DHDDS: variants seen among roughly 807,000 people sequenced by gnomAD.
DHDDS encodes the protein dehydrodolichyl diphosphate synthase complex subunit DHDDS.
DHDDS carries 16 observed loss-of-function variants against 46.2 expected under a neutral mutation model. That is an observed-to-expected ratio of 0.35 (90% CI 0.23 to 0.53). The LOEUF (loss-of-function observed/expected upper bound fraction) is 0.53. Ranked by LOEUF, DHDDS falls within the 20% of genes least tolerant of loss-of-function variation. DHDDS has a pLI of 0.94. For synonymous variants in DHDDS, 151 were observed against 163.1 expected, an observed-to-expected ratio of 0.93 and a Z score of 0.56; for missense variants, 340 against 423.7, an observed-to-expected ratio of 0.80 and a Z score of 1.73.
At chr1:26,448,288 C>T (rs2075289268) in intron 6 of DHDDS, 1 of 153,432 alleles carries the variant, frequency 6.5e-6, no homozygotes, top group Non-Finnish European at 1.4e-5. Context: ...ATTCTTCCGC[C>T]TCAGCCTCCC....
intron 2 of DHDDS, among the ~76,000 whole-genome samples, chr1:26,437,099 G>A (rs2075167294): frequency 6.6e-6 from 1 of 152,054 alleles, no homozygotes; most frequent in South Asian, 2.1e-4. Context: ...GAACCCAGGA[G>A]GCAGAGGTTG....
intron 8 of DHDDS, chr1:26,467,545 G>A (rs2075504799): frequency 3.1e-6 from 1 of 327,626 alleles, no homozygotes; most frequent in Non-Finnish European, 6.6e-6. Flanking sequence ...CCTGCTCCAT[G>A]TCTGTCTCCA....
intron 2 of DHDDS, among the ~76,000 whole-genome samples, chr1:26,434,045 T>A (rs2075129836): frequency 6.6e-6 from 1 of 152,196 alleles, no homozygotes; most frequent in Admixed American, 6.5e-5. Context: ...GAAAGTCCAG[T>A]TCTATCATTT....
chr1:26,452,489 T>C (rs1386653963), intron 6 of DHDDS, among the ~76,000 whole-genome samples: 2 of 152,234 alleles, frequency 1.3e-5, no homozygotes, highest in Non-Finnish European at 1.5e-5. Flanking sequence ...CTTGATTCCC[T>C]GTAGGCCTCT....
At chr1:26,438,392 GTC>G (rs1024314761) in intron 3 of DHDDS, 108 bp downstream of exon 3, 3 of 1,019,480 alleles carry the variant, frequency 2.9e-6, no homozygotes, top group African/African-American at 3.2e-5. Flanking sequence ...TTTTGTATCT[GTC>G]TCTGTGTTTT....
chr1:26,460,964 C>T (rs750221107), intron 8 of DHDDS, among the ~76,000 whole-genome samples: 37 of 152,310 alleles, frequency 2.4e-4, no homozygotes, highest in Admixed American at 3.9e-4. Flanking sequence ...ACCTCCCCCT[C>T]CTGGGTTTGA....
chr1:26,437,313 A>G (rs78768690), intron 2 of DHDDS, among the ~76,000 whole-genome samples: 2 of 152,260 alleles, frequency 1.3e-5, no homozygotes, highest in East Asian at 3.9e-4. Flanking sequence ...CCAGCATAGT[A>G]TTTGGCATGT....
intron 6 of DHDDS, among the ~76,000 whole-genome samples, chr1:26,450,319 T>G (rs1570347776): frequency 6.6e-6 from 1 of 152,122 alleles, no homozygotes; most frequent in African/African-American, 2.4e-5. Context: ...CTTTTTATAT[T>G]TATTTTTTGT....
At chr1:26,454,890 T>C (rs2075356476) in intron 6 of DHDDS, 7 of 1,596,604 alleles carry the variant, frequency 4.4e-6, no homozygotes, top group South Asian at 1.1e-5. Flanking sequence ...TCAGCATTAC[T>C]CTCTGCATTT....
chr1:26,462,595 G>A (rs983576712), intron 8 of DHDDS, among the ~76,000 whole-genome samples: 6 of 152,150 alleles, frequency 3.9e-5, no homozygotes, highest in Non-Finnish European at 8.8e-5. Context: ...TTGGAATTAT[G>A]TATATAAAAT....
intron 3 of DHDDS, 150 bp downstream of exon 3, chr1:26,438,434 C>G (rs2075183385): frequency 2.6e-6 from 2 of 770,870 alleles, no homozygotes; most frequent in Non-Finnish European, 4.4e-6. Flanking sequence ...TAGATCTCAT[C>G]TTGACATTGG....
At chr1:26,457,304 CAA>C (rs752860215) in intron 6 of DHDDS, among the ~76,000 whole-genome samples, 5 of 94,348 alleles carry the variant, frequency 5.3e-5, no homozygotes, top group African/African-American at 3.8e-5. Flanking sequence ...ACTAAAAATA[CAA>C]AAAAAAAAAA....
rs371976956 is a variant in DHDDS, at chr1:26,457,812, T to C, written c.564T>C (p.Leu188=). ...TTAGTGATATCTCTGAGTCTCTGCT[T>C]GATAAGTGCCTCTATACCAACCGCT... ...LDPSDISESL[L]DKCLYTNRSP... Residue 188 remains leucine, a synonymous_variant, in exon 7 of 9, where the codon CTT becomes CTC. Transcript: ENST00000236342. 1.2e-4 allele frequency: 194 copies of C among 1,613,770 alleles called. 2 individuals carry two copies. Among genetic ancestry groups the C allele is most frequent in the South Asian group, 9.0e-4 (82 of 91,068 alleles).
intron 5 of DHDDS, 141 bp from the exon 6 acceptor site, chr1:26,447,418 C>T (rs760923314): frequency 3.3e-5 from 24 of 716,600 alleles, no homozygotes; most frequent in Non-Finnish European, 5.7e-5. Flanking sequence ...CATAATTTCA[C>T]CTTTCAGAGG....
At chr1:26,449,512 C>A (rs923576868) in intron 6 of DHDDS, among the ~76,000 whole-genome samples, 3 of 152,080 alleles carry the variant, frequency 2.0e-5, no homozygotes, top group Non-Finnish European at 4.4e-5. Flanking sequence ...GCAGTCCTCC[C>A]ACTTCAGCCT....
chr1:26,453,955 CCT>C (rs201891409), intron 6 of DHDDS, among the ~76,000 whole-genome samples: 1 of 151,644 alleles, frequency 6.6e-6, no homozygotes, highest in Non-Finnish European at 1.5e-5. Flanking sequence ...AGAGTTAACC[CCT>C]TTTTTTTTGT....
chr1:26,461,620 G>A (rs1297681124), intron 8 of DHDDS, among the ~76,000 whole-genome samples: 2 of 152,092 alleles, frequency 1.3e-5, no homozygotes, highest in Non-Finnish European at 1.5e-5. Flanking sequence ...CTTTACCTCA[G>A]GTGATCCGCC....
At chr1:26,445,301 A>G (rs1201988290) in intron 4 of DHDDS, among the ~76,000 whole-genome samples, 2 of 152,238 alleles carry the variant, frequency 1.3e-5, no homozygotes, top group African/African-American at 4.8e-5. Flanking sequence ...AAAGTACCCC[A>G]TAATACAGCT....
chr1:26,436,739 T>G (rs1020725300), intron 2 of DHDDS, among the ~76,000 whole-genome samples: 1 of 152,042 alleles, frequency 6.6e-6, no homozygotes, highest in Non-Finnish European at 1.5e-5. Flanking sequence ...AGACCCTGTT[T>G]CAAAGAAAAA....
Sources: allele counts gnomAD v4.1 joint callset (sites outside exome capture counted in the v4.1 genomes callset), GRCh38; gene constraint gnomAD v4.1.1; transcripts MANE v1.5; gene names NCBI Gene and HGNC (gene_info 2026-07-23, HGNC 2026-07-21).